COL9A3: variants seen among roughly 807,000 people sequenced by gnomAD.
COL9A3 encodes collagen alpha-3(IX) chain.
COL9A3 carries 82 observed loss-of-function variants against 110.2 expected under a neutral mutation model. The observed-to-expected ratio is 0.74, with a 90% CI of 0.62 to 0.89. COL9A3 has a LOEUF of 0.89. Among genes scored for constraint, COL9A3 ranks in the 40% least tolerant of loss-of-function variants. The pLI is 0.00. For missense variants in COL9A3, 1,066 were observed against 981.3 expected (o/e 1.09, Z -1.15); for synonymous variants, 494 against 403.8 (o/e 1.22, Z -2.68).
chr20:62,825,288 A>AT (rs2063543654), intron 12 of COL9A3, among the ~76,000 whole-genome samples: 1 of 151,940 alleles, frequency 6.6e-6, no homozygotes, highest in South Asian at 2.1e-4. Context: ...GAGCTGGGTG[A>AT]TTTAGGCAGG....
At chr20:62,819,191 C>T (rs560905601) in intron 3 of COL9A3, 31 bp from the exon 4 acceptor site, 2 of 1,607,338 alleles carry the variant, frequency 1.2e-6, no homozygotes, top group Admixed American at 1.7e-5. Flanking sequence ...CAGACCCCGC[C>T]TTCACATCTC....
intron 30 of COL9A3, among the ~76,000 whole-genome samples, chr20:62,837,587 T>C (rs2063646898): frequency 6.6e-6 from 1 of 151,962 alleles, no homozygotes. Context: ...GGTGGGCAGA[T>C]CACGAGGTCG....
intron 31 of COL9A3, among the ~76,000 whole-genome samples, chr20:62,839,230 CA>C (rs10664760): frequency 7.0e-4 from 101 of 144,752 alleles, no homozygotes; most frequent in African/African-American, 1.2e-3. Context: ...GACTCCATCT[CA>C]AAAAAAAAAA....
In COL9A3 at chr20:62,829,783, TG is replaced by T. The variant is rs1472146159; in HGVS notation, c.1129del (p.Glu377SerfsTer156). ...PGVPGDAGMP[G>X]ERGEAGHRGS... ...CCCTGTAGGGAGATGCTGGCATGCC[TG>T]GGGAGCGCGGTGAGGCTGGCCACCG... On this transcript the variant is annotated frameshift_variant, in exon 22 of 32. Coordinates refer to ENST00000649368, the MANE Select transcript of COL9A3 (RefSeq NM_001853.4). LOFTEE classifies it high-confidence loss of function. The T allele has an allele frequency of 6.3e-6, 10 of 1,588,284 alleles. No homozygotes were observed. Among genetic ancestry groups the T allele is most frequent in the Non-Finnish European group, 8.6e-6 (10 of 1,167,854 alleles).
chr20:62,823,834 C>G (rs193287946), intron 10 of COL9A3, among the ~76,000 whole-genome samples: 2 of 152,260 alleles, frequency 1.3e-5, no homozygotes, highest in African/African-American at 4.8e-5. Flanking sequence ...CAGTGCCGGC[C>G]GGGACTGTGC....
In COL9A3 at chr20:62,826,817, A is replaced by G. The variant is rs752486948; in HGVS notation, c.789A>G (p.Lys263=). 3 of 1,612,746 alleles carry G rather than the reference A, an allele frequency of 1.9e-6. No homozygotes were observed. Among genetic ancestry groups the G allele is most frequent in the East Asian group, 2.2e-5 (1 of 44,878 alleles). Residue 263 remains lysine (K), a synonymous_variant, in exon 15 of 32, where the codon AAA becomes AAG. Transcript: ENST00000649368. ...GPPGIPGAPG[K]AGDRGERGPE... is the part of the protein sequence containing the mutation. ...CTGGGATCCCAGGAGCGCCTGGGAA[A>G]GCGGTACGTGTGTCAGTGGACGGTG...
chr20:62,824,904 A>G, intron 11 of COL9A3, 64 bp from the exon 12 acceptor site: 3 of 1,492,236 alleles, frequency 2.0e-6, no homozygotes, highest in South Asian at 1.2e-5. Context: ...GCCTCACTTC[A>G]GTGTTGCCAG....
chr20:62,833,773 C>T (rs531260102), intron 26 of COL9A3, among the ~76,000 whole-genome samples: 7 of 152,230 alleles, frequency 4.6e-5, no homozygotes, highest in African/African-American at 1.7e-4. Context: ...TCTCGGTTCA[C>T]TGCAGCCTCT....
Position 62,826,694 on chromosome 20 carries a change from C to A in COL9A3, c.739-73C>A. The A allele has an allele frequency of 3.2e-6, 5 of 1,556,408 alleles. No homozygotes were observed. The South Asian group carries it at 5.7e-5, about 18-fold the overall frequency. On this transcript the variant is annotated intron_variant, in intron 14 of 31. Transcript: ENST00000649368. ...AAGGGCTGCTTGTGTCTGGGCCGCC[C>A]CTGAGGGAGCACTGGGGGGATGCCA...
chr20:62,828,869 C>T lies in COL9A3; in HGVS notation c.954+52C>T, dbSNP rs140305256. On this transcript the variant is annotated intron_variant, in intron 18 of 31. Transcript: ENST00000649368. ...GGAGGGAGGGGGCTGGAGGGGAGTTCGGCCTCCCGAGGCCTCAGCCTCCCC... is the reference window on the plus strand; with the variant it reads ...GGAGGGAGGGGGCTGGAGGGGAGTTTGGCCTCCCGAGGCCTCAGCCTCCCC... 0.014 allele frequency: 22,032 copies of T among 1,612,256 alleles called. 218 individuals are homozygous for T. Among genetic ancestry groups the T allele is most frequent in the South Asian group, 0.027 (2,489 of 91,068 alleles).
chr20:62,826,784 A>T lies in COL9A3; in HGVS notation c.756A>T (p.Arg252=). 6 of 1,612,700 alleles carry T rather than the reference A, an allele frequency of 3.7e-6. No individual in the cohort carries two copies. Among genetic ancestry groups the T allele is most frequent in the Non-Finnish European group, 5.1e-6 (6 of 1,179,922 alleles). The change falls in exon 15 of 32, where the codon CGA becomes CGT. Residue 252 remains arginine (R), a synonymous_variant. Transcript: ENST00000649368. ...CTCTGCAGGGTCCCATTGGGTTCCG[A>T]GGGCCGCCTGGGATCCCAGGAGCGC... The part of the protein sequence containing the change: ...PPGDRGPIGF[R]GPPGIPGAPG...
intron 31 of COL9A3, 35 bp downstream of exon 31, chr20:62,838,796 G>A: frequency 1.3e-6 from 2 of 1,509,166 alleles, no homozygotes; most frequent in Non-Finnish European, 1.8e-6. Flanking sequence ...TTCACTGGGT[G>A]ACATCTCTTC....
At chr20:62,823,539 C>T (rs1335788187) in intron 10 of COL9A3, among the ~76,000 whole-genome samples, 3 of 152,242 alleles carry the variant, frequency 2.0e-5, no homozygotes, top group Non-Finnish European at 1.5e-5. Context: ...GCCTAGGTGC[C>T]TGGCCAGCCT....
At position 62,838,713 on chromosome 20, in the gene COL9A3, G is replaced by T. The variant is rs142792529; in HGVS notation, c.1816G>T (p.Ala606Ser). 266 of 1,552,702 alleles carry T rather than the reference G, an allele frequency of 1.7e-4. No homozygotes were observed. Among genetic ancestry groups the T allele is most frequent in the Non-Finnish European group, 2.2e-4 (258 of 1,147,604 alleles). Reference sequence around the variant, plus strand: ...CCAGGGTGACAGAGGAGACAAAGGCGCGGCAGGAGCAGGGCTGGACGGGCC... The same window carrying T: ...CCAGGGTGACAGAGGAGACAAAGGCTCGGCAGGAGCAGGGCTGGACGGGCC... Reference protein sequence around the residue: ...GNQGDRGDKGAAGAGLDGPEG... With the variant: ...GNQGDRGDKGSAGAGLDGPEG... The change falls in exon 31 of 32, where the codon GCG becomes TCG. Residue 606 changes from alanine to serine, a missense_variant. Coordinates refer to ENST00000649368, the MANE Select transcript of COL9A3 (RefSeq NM_001853.4).
At chr20:62,835,208 A>G (rs1304702054) in intron 26 of COL9A3, among the ~76,000 whole-genome samples, 1 of 152,180 alleles carries the variant, frequency 6.6e-6, no homozygotes, top group Non-Finnish European at 1.5e-5. Flanking sequence ...GTAACAGAAC[A>G]CCGCAGCTTG....
chr20:62,827,847 G>T, intron 16 of COL9A3, 76 bp from the exon 17 acceptor site: 1 of 1,501,452 alleles, frequency 6.7e-7, no homozygotes, highest in South Asian at 1.1e-5. Context: ...TGGTGTCCCC[G>T]AGCAGCTGGC....
chr20:62,826,339 C>T (rs915051685), intron 14 of COL9A3, 82 bp downstream of exon 14: 18 of 1,297,044 alleles, frequency 1.4e-5, no homozygotes, highest in East Asian at 1.0e-4. Flanking sequence ...AGATGGGCCC[C>T]GTGAGTGACA....
intron 17 of COL9A3, 108 bp from the exon 18 acceptor site, chr20:62,828,656 C>G: frequency 1.6e-6 from 2 of 1,252,114 alleles, no homozygotes; most frequent in Non-Finnish European, 2.3e-6. Flanking sequence ...GGTGTGGGGG[C>G]AGACACAGTT....
At position 62,818,515 on chromosome 20, in the gene COL9A3, C is replaced by T. The variant is rs767124418; in HGVS notation, c.148-3C>T. ...GGTTACATGTGGGTGTCTTTCCTCACAGGGAGAAGCTGGTCCTCCAGGTCT... is the reference window on the plus strand; with the variant it reads ...GGTTACATGTGGGTGTCTTTCCTCATAGGGAGAAGCTGGTCCTCCAGGTCT... On this transcript the variant is annotated splice_region_variant and splice_polypyrimidine_tract_variant and intron_variant, in intron 2 of 31. Coordinates refer to ENST00000649368, the MANE Select transcript of COL9A3 (RefSeq NM_001853.4). 18 of 1,612,936 alleles carry T rather than the reference C, an allele frequency of 1.1e-5. No individual in the cohort carries two copies. The highest frequency in any genetic ancestry group is 1.4e-5 in the Non-Finnish European group (17 of 1,179,912).
Sources: gnomAD v4.1 joint callset for allele counts (sites outside exome capture counted in the v4.1 genomes callset) on GRCh38, gnomAD v4.1.1 for gene constraint, MANE v1.5 for transcripts, NCBI Gene and HGNC (gene_info 2026-07-23, HGNC 2026-07-21) for gene names.